The following GRB14 variants were observed in gnomAD, a reference collection of about 807,000 sequenced individuals.
GRB14 encodes the protein growth factor receptor bound protein 14, also known as growth factor receptor-bound protein 14.
Under a neutral mutation model 69.1 loss-of-function variants are expected in GRB14, and 38 were observed. The ratio of observed to expected loss-of-function variants is 0.55; its 90% CI spans 0.42 to 0.72. The LOEUF (loss-of-function observed/expected upper bound fraction) is 0.72, where lower values mean the gene tolerates loss of function less well. Ranked by LOEUF, GRB14 falls within the 30% of genes least tolerant of loss-of-function variation. The probability of loss-of-function intolerance (pLI) is 0.00; values close to 1 mark genes in which losing one functional copy is unlikely to be tolerated. For synonymous variants in GRB14, 247 were observed against 241.3 expected (o/e 1.02, Z -0.22); for missense variants, 666 against 666.1 (o/e 1.00, Z 0.00).
rs1294790099 is a variant in GRB14, at chr2:164,500,484, A to G, written c.1104+1771T>C. 5.4e-4 allele frequency among the ~76,000 whole-genome samples: 82 copies of G among 152,162 alleles called. 1 individual carries two copies. The highest frequency in any genetic ancestry group is 4.4e-5 in the Non-Finnish European group (3 of 68,016). On this transcript the variant is annotated intron_variant, in intron 9 of 13. Transcript: ENST00000263915. ...TCGCTGAAAATAGTCCCCGGATGAA[A>G]AGCAACAAAGGCTGGTAAAGAGTAC...
chr2:164,619,643 A>G, intron 2 of GRB14, 44 bp downstream of exon 2: 1 of 1,386,754 alleles, frequency 7.2e-7, no homozygotes, highest in Non-Finnish European at 9.9e-7. Flanking sequence ...GTATGGATTC[A>G]GAACTCCTAA....
chr2:164,598,944 C>T (rs1005150621), intron 2 of GRB14, among the ~76,000 whole-genome samples: 2 of 152,116 alleles, frequency 1.3e-5, no homozygotes, highest in African/African-American at 4.8e-5. Context: ...AACAATAACG[C>T]TTACGTTACA....
chr2:164,506,181 T>C (rs1016383851), intron 8 of GRB14, among the ~76,000 whole-genome samples: 1 of 152,176 alleles, frequency 6.6e-6, no homozygotes, highest in African/African-American at 2.4e-5. Flanking sequence ...ACAAAGTTAG[T>C]AGTTCTTATT....
In GRB14 at chr2:164,492,485, G is replaced by A. The variant is rs748527291; in HGVS notation, c.*551C>T. 6.6e-6 allele frequency among the ~76,000 whole-genome samples: 1 copy of A among 151,624 alleles called. No homozygotes were observed. The highest frequency in any genetic ancestry group is 6.6e-5 in the Admixed American group (1 of 15,212). ...GGAAAAAATCAACATATTTCAAAAT[G>A]GTTTAAAGCTACTATCTCAAAATAT... On this transcript the variant is annotated 3_prime_UTR_variant, in exon 14 of 14. Transcript: ENST00000263915.
intron 3 of GRB14, among the ~76,000 whole-genome samples, chr2:164,530,058 AGT>A (rs1687882557): frequency 6.6e-6 from 1 of 152,220 alleles, no homozygotes; most frequent in African/African-American, 2.4e-5. Context: ...CATAAAAAGT[AGT>A]GGTCTTAATC....
chr2:164,531,397 T>C (rs80117701), intron 3 of GRB14, among the ~76,000 whole-genome samples: 36 of 152,338 alleles, frequency 2.4e-4, no homozygotes, highest in Non-Finnish European at 4.3e-4. Context: ...AGATGCTTGT[T>C]TGTTTGTTTG....
chr2:164,525,043 A>T lies in GRB14; in HGVS notation c.639T>A (p.Thr213=). 1 of 1,593,712 alleles carries T rather than the reference A, an allele frequency of 6.3e-7. No individual in the cohort carries two copies. Among genetic ancestry groups the T allele is most frequent in the Non-Finnish European group, 8.6e-7 (1 of 1,167,928 alleles). ...TGGGGGATATTTCACCATTGGTTTC[A>T]GTTGCAAAAGATACCATATGCTCTG... is the stretch of plus-strand genomic sequence containing the variant. The part of the protein sequence containing the change: ...FFPEHMVSFA[T]ETNGEISPTQ... The change falls in exon 5 of 14, where the codon ACT becomes ACA. Residue 213 remains threonine, a synonymous_variant. Coordinates refer to ENST00000263915, the MANE Select transcript of GRB14 (RefSeq NM_004490.3).
At chr2:164,539,779 G>T (rs1173315668) in intron 3 of GRB14, 1 of 152,054 alleles carries the variant, frequency 6.6e-6, no homozygotes, top group African/African-American at 2.4e-5. Flanking sequence ...TGAGGCCTCA[G>T]GATCTCACAA....
In GRB14 at chr2:164,493,178, T is replaced by C. The variant is rs967115471; in HGVS notation, c.1481A>G (p.Glu494Gly). The change falls in exon 14 of 14, where the codon GAA becomes GGA. Residue 494 changes from glutamate to glycine, a missense_variant. Coordinates refer to ENST00000263915, the MANE Select transcript of GRB14 (RefSeq NM_004490.3). ...KIKHFQIIPV[E>G]DDGEMFHTLD... The stretch of plus-strand genomic sequence containing the variant: ...TGTGTGGAACATTTCACCGTCATCT[T>C]CTACCTGCAAAAAGAAAAGCAACAA... The C allele has an allele frequency of 7.4e-6, 12 of 1,611,816 alleles. No individual in the cohort carries two copies. Among genetic ancestry groups the C allele is most frequent in the East Asian group, 4.5e-5 (2 of 44,736 alleles).
intron 3 of GRB14, among the ~76,000 whole-genome samples, chr2:164,541,608 C>G (rs1438497873): frequency 6.6e-6 from 1 of 151,684 alleles, no homozygotes. Flanking sequence ...GAGACCCTAT[C>G]TCTAAAAAAA....
At chr2:164,508,362 C>T in intron 8 of GRB14, 93 bp downstream of exon 8, 1 of 928,374 alleles carries the variant, frequency 1.1e-6, no homozygotes, top group Non-Finnish European at 1.7e-6. Flanking sequence ...ATGTAGCCAC[C>T]CAGTGAGACT....
At chr2:164,554,263 A>G (rs181818246) in intron 2 of GRB14, among the ~76,000 whole-genome samples, 2 of 152,314 alleles carry the variant, frequency 1.3e-5, no homozygotes, top group African/African-American at 2.4e-5. Context: ...TATTTAATAA[A>G]GGGATATTAT....
intron 2 of GRB14, among the ~76,000 whole-genome samples, chr2:164,585,183 G>A (rs1414495208): frequency 7.6e-6 from 1 of 132,066 alleles, no homozygotes; most frequent in Non-Finnish European, 1.5e-5. Flanking sequence ...CCTGACCTCA[G>A]GTGATCTGCC....
intron 5 of GRB14, 123 bp from the exon 6 acceptor site, chr2:164,522,240 A>G: frequency 4.8e-6 from 3 of 623,572 alleles, no homozygotes; most frequent in Non-Finnish European, 8.5e-6. Flanking sequence ...AACATATAAC[A>G]TTATGGTAAT....
intron 2 of GRB14, among the ~76,000 whole-genome samples, chr2:164,592,600 T>A (rs1038580299): frequency 1.3e-5 from 2 of 152,192 alleles, no homozygotes. Flanking sequence ...AGACACATAG[T>A]ATTCATATGG....
chr2:164,591,982 T>C (rs1689675713), intron 2 of GRB14, among the ~76,000 whole-genome samples: 1 of 152,154 alleles, frequency 6.6e-6, no homozygotes, highest in South Asian at 2.1e-4. Flanking sequence ...GAAACCCCTT[T>C]TGCTTGGTTC....
At chr2:164,617,965 G>T (rs1438119614) in intron 2 of GRB14, among the ~76,000 whole-genome samples, 9 of 137,780 alleles carry the variant, frequency 6.5e-5, no homozygotes, top group African/African-American at 2.0e-4. Flanking sequence ...TTTTTGGGGG[G>T]GGGGGGGTAG....
intron 2 of GRB14, among the ~76,000 whole-genome samples, chr2:164,578,661 T>C (rs964013438): frequency 5.9e-5 from 9 of 152,084 alleles, no homozygotes; most frequent in Non-Finnish European, 1.3e-4. Context: ...AAATGACTGA[T>C]AAAGCCAAAG....
In GRB14 at chr2:164,492,484, TG is replaced by T. The variant is rs1686782821; in HGVS notation, c.*551del. 6.6e-6 allele frequency among the ~76,000 whole-genome samples: 1 copy of T among 151,996 alleles called. No individual in the cohort carries two copies. The highest frequency in any genetic ancestry group is 2.4e-5 in the African/African-American group (1 of 41,442). ...TGGAAAAAATCAACATATTTCAAAA[TG>T]GTTTAAAGCTACTATCTCAAAATAT... is the stretch of plus-strand genomic sequence containing the variant. On this transcript the variant is annotated 3_prime_UTR_variant, in exon 14 of 14. Coordinates refer to ENST00000263915, the MANE Select transcript of GRB14 (RefSeq NM_004490.3).
Sources: gnomAD v4.1 joint callset for allele counts (sites outside exome capture counted in the v4.1 genomes callset) on GRCh38, gnomAD v4.1.1 for gene constraint, MANE v1.5 for transcripts, NCBI Gene and HGNC (gene_info 2026-07-23, HGNC 2026-07-21) for gene names.